SRD5A2: variants seen among roughly 807,000 people sequenced by gnomAD.
The protein encoded by SRD5A2 is 3-oxo-5-alpha-steroid 4-dehydrogenase 2.
SRD5A2 carries 30 observed loss-of-function variants against 27.4 expected under a neutral mutation model. The ratio of observed to expected loss-of-function variants is 1.10; its 90% CI spans 0.82 to 1.49. SRD5A2 has a LOEUF of 1.49. SRD5A2 is among the 40% of genes most tolerant of loss of function. SRD5A2 has a pLI of 0.00. For synonymous variants in SRD5A2, 141 were observed against 133.6 expected, an observed-to-expected ratio of 1.06 and a Z score of -0.38; for missense variants, 348 against 323.4, an observed-to-expected ratio of 1.08 and a Z score of -0.58.
the SRD5A2 span, among the ~76,000 whole-genome samples, chr2:31,624,717 A>T: frequency 6.6e-6 from 1 of 152,132 alleles, no homozygotes; most frequent in East Asian, 1.9e-4. Flanking sequence ...ATAGTATTCC[A>T]TGGTGTATAG....
At chr2:31,529,575 C>G (rs1215290577) in intron 3 of SRD5A2, 118 bp from the exon 4 acceptor site, 1 of 1,370,580 alleles carries the variant, frequency 7.3e-7, no homozygotes, top group African/African-American at 1.5e-5. Flanking sequence ...GCTGGAGGCT[C>G]CCTCCATAGT....
the SRD5A2 span, among the ~76,000 whole-genome samples, chr2:31,617,685 C>T: frequency 1.3e-5 from 2 of 152,308 alleles, no homozygotes; most frequent in Middle Eastern, 3.4e-3. Context: ...AAAAGGCCAC[C>T]AGTCTCTTTG....
chr2:31,588,355 G>A, the SRD5A2 span, among the ~76,000 whole-genome samples: 2 of 152,040 alleles, frequency 1.3e-5, no homozygotes, highest in East Asian at 1.9e-4. Context: ...GATAAAGAAA[G>A]AATCCTAAAA....
intron 1 of SRD5A2, among the ~76,000 whole-genome samples, chr2:31,539,063 G>A (rs147290524): frequency 1.3e-5 from 2 of 152,240 alleles, no homozygotes; most frequent in East Asian, 3.9e-4. Flanking sequence ...TACTTCCAGG[G>A]GGGTGTGAAG....
At chr2:31,610,847 C>T in the SRD5A2 span, among the ~76,000 whole-genome samples, 266 of 152,268 alleles carry the variant, frequency 1.7e-3, 1 homozygote, top group Non-Finnish European at 2.7e-3. Context: ...GTGGCTCATG[C>T]CTGTAATCCC....
At position 31,552,619 on chromosome 2, in the gene SRD5A2, T is replaced by C. The variant is rs139734046; in HGVS notation, c.282-18853A>G. Among the ~76,000 whole-genome samples the C allele has an allele frequency of 6.0e-3, 911 of 152,238 alleles. 8 individuals carry two copies. Among genetic ancestry groups the C allele is most frequent in the South Asian group, 0.026 (124 of 4,816 alleles). Reference sequence around the variant, plus strand: ...TACCTCCAACCTCTTGGTCTTTCACTACATTGCCAGAAGAATGCCAGTCCC... The same window carrying C: ...TACCTCCAACCTCTTGGTCTTTCACCACATTGCCAGAAGAATGCCAGTCCC... On this transcript the variant is annotated intron_variant, in intron 1 of 4. Transcript: ENST00000622030.
At chr2:31,649,585 T>C in the SRD5A2 span, among the ~76,000 whole-genome samples, 1 of 152,184 alleles carries the variant, frequency 6.6e-6, no homozygotes, top group Non-Finnish European at 1.5e-5. Flanking sequence ...AGGAAACTAC[T>C]GGGATAACTT....
chr2:31,580,709 G>A lies in SRD5A2; in HGVS notation c.192C>T (p.Pro64=), dbSNP rs754016224. The A allele has an allele frequency of 5.0e-6, 8 of 1,604,690 alleles. No homozygotes were observed. The African/African-American group carries it at 1.1e-4, about 21-fold the overall frequency. The change falls in exon 1 of 5, where the codon CCC becomes CCT. Residue 64 remains proline, a synonymous_variant. Coordinates refer to ENST00000622030, the MANE Select transcript of SRD5A2 (RefSeq NM_000348.4). ...GGGGCTGCCGGGCGAGGATCCCCGC[G>A]GGCACCGCGAAGGAAGGCAGCTCCT... ...FLQELPSFAV[P]AGILARQPLS... is the part of the protein sequence containing the mutation.
chr2:31,557,767 G>A (rs1666529458), intron 1 of SRD5A2, among the ~76,000 whole-genome samples: 1 of 152,160 alleles, frequency 6.6e-6, no homozygotes, highest in African/African-American at 2.4e-5. Flanking sequence ...TTGCCCTAGA[G>A]CAAACTCAAA....
chr2:31,555,864 G>A (rs1666483657), intron 1 of SRD5A2, among the ~76,000 whole-genome samples: 1 of 152,138 alleles, frequency 6.6e-6, no homozygotes, highest in South Asian at 2.1e-4. Flanking sequence ...TAGCTACTCG[G>A]GAGGGTAAAG....
the SRD5A2 span, among the ~76,000 whole-genome samples, chr2:31,587,499 G>A: frequency 6.6e-5 from 10 of 152,114 alleles, no homozygotes; most frequent in African/African-American, 9.6e-5. Flanking sequence ...CATGGAACCC[G>A]AATGCCCATC....
the SRD5A2 span, among the ~76,000 whole-genome samples, chr2:31,637,789 TTTTC>T: frequency 6.6e-6 from 1 of 152,072 alleles, no homozygotes; most frequent in African/African-American, 2.4e-5. Context: ...ATCAGTTATA[TTTTC>T]TTTATTATTT....
chr2:31,596,692 C>T, the SRD5A2 span, among the ~76,000 whole-genome samples: 1 of 152,230 alleles, frequency 6.6e-6, no homozygotes, highest in Non-Finnish European at 1.5e-5. Context: ...TGCTATACAT[C>T]ATCAGAGACC....
chr2:31,540,115 A>T (rs551987560), intron 1 of SRD5A2, among the ~76,000 whole-genome samples: 7 of 152,200 alleles, frequency 4.6e-5, no homozygotes, highest in Non-Finnish European at 7.3e-5. Flanking sequence ...ACACTTTTAA[A>T]CTATGAAAAA....
intron 1 of SRD5A2, among the ~76,000 whole-genome samples, chr2:31,556,971 C>A (rs1190497707): frequency 6.6e-6 from 1 of 152,132 alleles, no homozygotes; most frequent in Non-Finnish European, 1.5e-5. Context: ...TTTATAACAA[C>A]CCTAGGAGAT....
At chr2:31,623,013 T>C in the SRD5A2 span, among the ~76,000 whole-genome samples, 1 of 152,110 alleles carries the variant, frequency 6.6e-6, no homozygotes, top group South Asian at 2.1e-4. Flanking sequence ...CAACTTCTCA[T>C]GTAGTTGTAA....
chr2:31,646,216 G>A, the SRD5A2 span, among the ~76,000 whole-genome samples: 1 of 151,978 alleles, frequency 6.6e-6, no homozygotes, highest in African/African-American at 2.4e-5. Flanking sequence ...GTGCCTTCTT[G>A]CATCTACATT....
chr2:31,615,541 T>C, the SRD5A2 span, among the ~76,000 whole-genome samples: 1 of 152,174 alleles, frequency 6.6e-6, no homozygotes, highest in Admixed American at 6.5e-5. Flanking sequence ...AGGAGAAATT[T>C]CTGAGCAGCA....
the SRD5A2 span, among the ~76,000 whole-genome samples, chr2:31,612,753 C>G: frequency 1.3e-5 from 2 of 152,150 alleles, no homozygotes; most frequent in Non-Finnish European, 2.9e-5. Context: ...ATCACACTGA[C>G]AGATTTCAAA....
Sources: gnomAD v4.1 joint callset for allele counts (sites outside exome capture counted in the v4.1 genomes callset) on GRCh38, gnomAD v4.1.1 for gene constraint, MANE v1.5 for transcripts, NCBI Gene and HGNC (gene_info 2026-07-23, HGNC 2026-07-21) for gene names.